Variants in EPHA6 observed in about 807,000 individuals in gnomAD.
EPHA6 encodes the protein ephrin type-A receptor 6.
A neutral mutation model predicts 112.0 loss-of-function variants in EPHA6; 50 were observed. The ratio of observed to expected loss-of-function variants is 0.45; its 90% CI spans 0.36 to 0.56. The LOEUF (loss-of-function observed/expected upper bound fraction) is 0.56. EPHA6 is among the 20% of genes least tolerant of loss of function. EPHA6 has a pLI of 0.00. For missense variants in EPHA6, 1,280 were observed against 1,417.4 expected, an observed-to-expected ratio of 0.90 and a Z score of 1.56; for synonymous variants, 529 against 490.7, an observed-to-expected ratio of 1.08 and a Z score of -1.03.
chr3:97,491,987 A>G (rs904207021), intron 10 of EPHA6, among the ~76,000 whole-genome samples: 1 of 152,200 alleles, frequency 6.6e-6, no homozygotes, highest in Non-Finnish European at 1.5e-5. Context: ...CAATGGGAAC[A>G]GCAAAATTAC....
intron 16 of EPHA6, among the ~76,000 whole-genome samples, chr3:97,737,865 A>C (rs1381005190): frequency 1.3e-5 from 2 of 152,110 alleles, no homozygotes; most frequent in Non-Finnish European, 2.9e-5. Context: ...GAACTGAACA[A>C]AAAGTACCCA....
At chr3:97,604,638 C>G (rs140555466) in intron 12 of EPHA6, among the ~76,000 whole-genome samples, 1 of 151,240 alleles carries the variant, frequency 6.6e-6, no homozygotes, top group African/African-American at 2.4e-5. Context: ...TTTTCTCATC[C>G]GATTATTTCA....
At chr3:96,889,382 G>C (rs1190010182) in intron 2 of EPHA6, among the ~76,000 whole-genome samples, 1 of 152,092 alleles carries the variant, frequency 6.6e-6, no homozygotes, top group East Asian at 1.9e-4. Flanking sequence ...ATCCGAGACT[G>C]GGAAGAAAAA....
intron 5 of EPHA6, among the ~76,000 whole-genome samples, chr3:97,371,874 C>T (rs2085077908): frequency 6.6e-6 from 1 of 152,058 alleles, no homozygotes; most frequent in Non-Finnish European, 1.5e-5. Context: ...TGAAATAAGT[C>T]CCGGTCTCCC....
intron 2 of EPHA6, among the ~76,000 whole-genome samples, chr3:96,910,727 CT>C (rs1364352905): frequency 6.6e-6 from 1 of 151,990 alleles, no homozygotes; most frequent in Non-Finnish European, 1.5e-5. Context: ...GGGAAGAGGG[CT>C]TTACTCAACC....
At chr3:97,240,551 C>T (rs2078815220) in intron 4 of EPHA6, among the ~76,000 whole-genome samples, 1 of 151,810 alleles carries the variant, frequency 6.6e-6, no homozygotes, top group South Asian at 2.1e-4. Flanking sequence ...AATTGGTGAG[C>T]AGTCACTTTT....
At chr3:97,078,385 G>T (rs560301512) in intron 3 of EPHA6, among the ~76,000 whole-genome samples, 1 of 152,082 alleles carries the variant, frequency 6.6e-6, no homozygotes, top group Admixed American at 6.6e-5. Context: ...CTGTGCAGAA[G>T]CTCTTTTGTT....
chr3:97,738,916 G>A (rs1471814891), intron 16 of EPHA6, among the ~76,000 whole-genome samples: 5 of 151,960 alleles, frequency 3.3e-5, no homozygotes, highest in East Asian at 1.9e-4. Flanking sequence ...CTTTATCAGC[G>A]TTCTCATTTT....
chr3:97,078,799 A>T (rs928189927), intron 3 of EPHA6, among the ~76,000 whole-genome samples: 1 of 152,126 alleles, frequency 6.6e-6, no homozygotes, highest in African/African-American at 2.4e-5. Flanking sequence ...ATGGATGAGG[A>T]GTTCTTCTTA....
chr3:97,146,035 C>G (rs2076037562), intron 3 of EPHA6, among the ~76,000 whole-genome samples: 1 of 151,612 alleles, frequency 6.6e-6, no homozygotes, highest in Admixed American at 6.6e-5. Context: ...TTATTTGAAA[C>G]TAAATGACTA....
intron 2 of EPHA6, among the ~76,000 whole-genome samples, chr3:96,931,429 A>AG (rs1201826630): frequency 6.6e-6 from 1 of 152,032 alleles, no homozygotes; most frequent in Non-Finnish European, 1.5e-5. Flanking sequence ...ACCTCCCCCC[A>AG]GGGACTCCAT....
intron 3 of EPHA6, among the ~76,000 whole-genome samples, chr3:97,064,766 A>G (rs946307898): frequency 6.6e-6 from 1 of 152,058 alleles, no homozygotes; most frequent in African/African-American, 2.4e-5. Context: ...TCCTATTTAT[A>G]TGTGTTAATT....
intron 3 of EPHA6, among the ~76,000 whole-genome samples, chr3:97,166,609 C>G (rs2076549467): frequency 1.3e-5 from 2 of 152,050 alleles, no homozygotes; most frequent in African/African-American, 4.8e-5. Context: ...AAATACAGTG[C>G]CTGGGCTACC....
chr3:97,102,732 C>G (rs115577230), intron 3 of EPHA6, among the ~76,000 whole-genome samples: 2,288 of 151,906 alleles, frequency 0.015, 66 homozygotes, highest in African/African-American at 0.052. Flanking sequence ...TAATTTACAC[C>G]CCCACCAGCA....
intron 3 of EPHA6, among the ~76,000 whole-genome samples, chr3:97,118,730 A>C (rs1015914357): frequency 6.6e-6 from 1 of 151,924 alleles, no homozygotes; most frequent in African/African-American, 2.4e-5. Flanking sequence ...AAATTACTTA[A>C]CTTCCCTAAT....
At chr3:97,381,922 T>C (rs2085762843) in intron 5 of EPHA6, among the ~76,000 whole-genome samples, 1 of 152,134 alleles carries the variant, frequency 6.6e-6, no homozygotes, top group Non-Finnish European at 1.5e-5. Context: ...GAAATTATTC[T>C]GTTCCCATTC....
intron 5 of EPHA6, among the ~76,000 whole-genome samples, chr3:97,270,985 G>A (rs993973266): frequency 2.6e-5 from 4 of 152,174 alleles, no homozygotes; most frequent in African/African-American, 9.7e-5. Flanking sequence ...TTGAGGAAAA[G>A]AAGTATATAG....
rs2035820425 is a variant in EPHA6, at chr3:97,748,805, G to T, written c.*104G>T. On this transcript the variant is annotated 3_prime_UTR_variant, in exon 18 of 18. Transcript: ENST00000389672. Reference sequence around the variant, plus strand: ...TTCTCCAAACATCACTTCACAAACTGCAGTCTTCTGTTCAGACTATAGGCA... The same window carrying T: ...TTCTCCAAACATCACTTCACAAACTTCAGTCTTCTGTTCAGACTATAGGCA... 2 of 706,132 alleles carry T rather than the reference G, an allele frequency of 2.8e-6. No individual in the cohort carries two copies. Among genetic ancestry groups the T allele is most frequent in the Non-Finnish European group, 5.1e-6 (2 of 389,518 alleles). 43.7% of individuals were successfully genotyped at this position (706,132 alleles called of 1,614,324 possible). A position where few individuals can be genotyped will look rare whatever the true frequency, so the allele number is the denominator to read the frequency against.
intron 5 of EPHA6, among the ~76,000 whole-genome samples, chr3:97,322,329 A>T (rs1456721392): frequency 2.0e-5 from 3 of 152,026 alleles, no homozygotes; most frequent in Non-Finnish European, 4.4e-5. Flanking sequence ...CGTCATTCCT[A>T]TACCCACATT....
Sources: allele counts gnomAD v4.1 joint callset (sites outside exome capture counted in the v4.1 genomes callset), GRCh38; gene constraint gnomAD v4.1.1; transcripts MANE v1.5; gene names NCBI Gene and HGNC (gene_info 2026-07-23, HGNC 2026-07-21).